PAM: variants seen among roughly 807,000 people sequenced by gnomAD.
The protein encoded by PAM is peptidylglycine alpha-amidating monooxygenase, also known as peptidyl-glycine alpha-amidating monooxygenase.
A neutral mutation model predicts 122.1 loss-of-function variants in PAM; 72 were observed. The observed-to-expected ratio is 0.59, with a 90% CI of 0.49 to 0.72. PAM has a LOEUF of 0.72. Ranked by LOEUF, PAM falls within the 30% of genes least tolerant of loss-of-function variation. The pLI is 0.00. For missense variants in PAM, 1,106 were observed against 1,183.7 expected, an observed-to-expected ratio of 0.93 and a Z score of 0.96; for synonymous variants, 389 against 404.4, an observed-to-expected ratio of 0.96 and a Z score of 0.46.
At chr5:102,793,201 C>G (rs1762494109) in intron 1 of PAM, among the ~76,000 whole-genome samples, 1 of 152,064 alleles carries the variant, frequency 6.6e-6, no homozygotes, top group Non-Finnish European at 1.5e-5. Context: ...TCCAAAGTGC[C>G]TAGGCTTTTC....
chr5:102,947,196 T>C (rs1021647384), intron 8 of PAM, among the ~76,000 whole-genome samples: 8 of 152,152 alleles, frequency 5.3e-5, no homozygotes, highest in Admixed American at 1.3e-4. Flanking sequence ...AGTTCTTTGC[T>C]GAGTGTTGGC....
intron 1 of PAM, among the ~76,000 whole-genome samples, chr5:102,820,542 GA>G (rs1190598567): frequency 6.6e-6 from 1 of 152,020 alleles, no homozygotes; most frequent in African/African-American, 2.4e-5. Flanking sequence ...GGAAGCATAG[GA>G]AAAATGGTAT....
chr5:102,955,958 G>T (rs1271966964), intron 12 of PAM, among the ~76,000 whole-genome samples: 1 of 151,950 alleles, frequency 6.6e-6, no homozygotes, highest in African/African-American at 2.4e-5. Flanking sequence ...AGGATGATTT[G>T]ACTCCTGACA....
chr5:102,917,797 C>T (rs2151623101), intron 5 of PAM, among the ~76,000 whole-genome samples: 1 of 152,248 alleles, frequency 6.6e-6, no homozygotes, highest in Non-Finnish European at 1.5e-5. Flanking sequence ...CTCCTTTGCT[C>T]TTTGTAATTG....
chr5:102,965,695 T>C (rs1009526027), intron 14 of PAM, among the ~76,000 whole-genome samples: 1 of 152,040 alleles, frequency 6.6e-6, no homozygotes, highest in Non-Finnish European at 1.5e-5. Context: ...AAGGTCAGCA[T>C]AAGCTACTGT....
intron 6 of PAM, among the ~76,000 whole-genome samples, chr5:102,926,040 AAAAT>A (rs1194954927): frequency 6.6e-6 from 1 of 152,196 alleles, no homozygotes; most frequent in Non-Finnish European, 1.5e-5. Flanking sequence ...ATCACAAAAT[AAAAT>A]AAATATGAAT....
chr5:102,794,552 G>A (rs1762869901), intron 1 of PAM, among the ~76,000 whole-genome samples: 1 of 129,108 alleles, frequency 7.7e-6, no homozygotes, highest in South Asian at 2.3e-4. Context: ...GGAAGGTTAG[G>A]TGAAAAAAAA....
At chr5:102,810,834 A>G (rs2150190919) in intron 1 of PAM, among the ~76,000 whole-genome samples, 1 of 152,312 alleles carries the variant, frequency 6.6e-6, no homozygotes, top group South Asian at 2.1e-4. Context: ...ATCTCAAAAA[A>G]AGAAAAAAAA....
At chr5:102,987,040 A>G (rs1420286209) in intron 15 of PAM, among the ~76,000 whole-genome samples, 1 of 152,202 alleles carries the variant, frequency 6.6e-6, no homozygotes, top group East Asian at 1.9e-4. Context: ...TGCAATCATT[A>G]TACCAATGAC....
chr5:102,766,926 A>ATTTTTTTTTTTT lies in PAM; in HGVS notation c.-374+11598_-374+11609dup. 7.4e-3 allele frequency among the ~76,000 whole-genome samples: 192 copies of ATTTTTTTTTTTT among 25,856 alleles called. 70 individuals carry two copies. Among genetic ancestry groups the ATTTTTTTTTTTT allele is most frequent in the East Asian group, 0.03 (21 of 702 alleles). 17.0% of individuals were successfully genotyped at this position (25,856 alleles called of 152,430 possible). A position where few individuals can be genotyped will look rare whatever the true frequency, so the allele number is the denominator to read the frequency against. Reference sequence around the variant, plus strand: ...ATTTATTTTATTGCTTCAGTTGTGGATTTTTTTTTTTTTTTTTTTTTTTTT... The same window carrying ATTTTTTTTTTTT: ...ATTTATTTTATTGCTTCAGTTGTGGATTTTTTTTTTTTTTTTTTTTTTTTTTTTTTTTTTTTT... On this transcript the variant is annotated intron_variant, in intron 1 of 25. Coordinates refer to ENST00000438793, the MANE Select transcript of PAM (RefSeq NM_001177306.2).
intron 1 of PAM, among the ~76,000 whole-genome samples, chr5:102,820,081 TG>T (rs1394577075): frequency 2.0e-5 from 3 of 152,084 alleles, no homozygotes; most frequent in African/African-American, 7.3e-5. Flanking sequence ...TATTAATAAT[TG>T]TGTTTTTAAA....
At chr5:102,780,598 C>A (rs1471040175) in intron 1 of PAM, among the ~76,000 whole-genome samples, 1 of 151,972 alleles carries the variant, frequency 6.6e-6, no homozygotes, top group African/African-American at 2.4e-5. Flanking sequence ...GGTGTACCTC[C>A]CGACTGAACT....
rs560036418 is a variant in PAM at position 102,959,858 on chromosome 5, C to CT, written c.906-9dup. 8.4e-5 allele frequency: 133 copies of CT among 1,575,238 alleles called. No homozygotes were observed. Among genetic ancestry groups the CT allele is most frequent in the Admixed American group, 2.9e-4 (17 of 59,266 alleles). On this transcript the variant is annotated splice_polypyrimidine_tract_variant and intron_variant, in intron 12 of 25. Coordinates refer to ENST00000438793, the MANE Select transcript of PAM (RefSeq NM_001177306.2). ...TATGTGAATAGTTGATTTGTTATAT[C>CT]TTTTTTTTGCCTGCAGTGGCACGTC...
intron 1 of PAM, among the ~76,000 whole-genome samples, chr5:102,857,822 G>C (rs890640565): frequency 2.0e-5 from 3 of 152,132 alleles, no homozygotes; most frequent in African/African-American, 4.8e-5. Context: ...ATAAACATGA[G>C]CTATTATTAT....
chr5:102,769,985 C>T (rs1299619963), intron 1 of PAM, among the ~76,000 whole-genome samples: 1 of 152,156 alleles, frequency 6.6e-6, no homozygotes, highest in East Asian at 1.9e-4. Flanking sequence ...AATCCATGAT[C>T]ATAGGATATC....
chr5:103,010,666 G>A (rs1488841874), intron 21 of PAM, among the ~76,000 whole-genome samples: 1 of 152,108 alleles, frequency 6.6e-6, no homozygotes, highest in African/African-American at 2.4e-5. Flanking sequence ...ATCAGCTACT[G>A]AACCAAGTTT....
chr5:102,958,418 A>G (rs923553712), intron 12 of PAM, among the ~76,000 whole-genome samples: 1 of 152,162 alleles, frequency 6.6e-6, no homozygotes, highest in Non-Finnish European at 1.5e-5. Flanking sequence ...GAGAAGGATA[A>G]TATGGCGGGA....
chr5:102,968,698 C>T (rs1293707376), intron 14 of PAM, among the ~76,000 whole-genome samples: 2 of 152,038 alleles, frequency 1.3e-5, no homozygotes, highest in Non-Finnish European at 2.9e-5. Flanking sequence ...ATATGGTCAC[C>T]TTAGCAGGGA....
rs60241746 is a variant in PAM, at chr5:102,885,094, T to TATATATATATATATATATATATAA, written c.211-16261_211-16260insTATATATATATATATATATATAAA. 5.5e-3 allele frequency among the ~76,000 whole-genome samples: 819 copies of TATATATATATATATATATATATAA among 147,738 alleles called. 14 individuals carry two copies. The highest frequency in any genetic ancestry group is 0.028 in the Middle Eastern group (8 of 288). ...CTTGTTTAATAACTATATATATATA[T>TATATATATATATATATATATATAA]AACTATAAAAGCTTTACTTGATTAT... On this transcript the variant is annotated intron_variant, in intron 3 of 25. Coordinates refer to ENST00000438793, the MANE Select transcript of PAM (RefSeq NM_001177306.2).
Sources: allele counts gnomAD v4.1 joint callset (sites outside exome capture counted in the v4.1 genomes callset), GRCh38; gene constraint gnomAD v4.1.1; transcripts MANE v1.5; gene names NCBI Gene and HGNC (gene_info 2026-07-23, HGNC 2026-07-21).